The following SLC4A8 variants were observed in gnomAD, a reference collection of about 807,000 sequenced individuals.
SLC4A8 encodes the protein solute carrier family 4 member 8, also known as electroneutral sodium bicarbonate exchanger 1.
SLC4A8 carries 40 observed loss-of-function variants against 125.0 expected under a neutral mutation model. The ratio of observed to expected loss-of-function variants is 0.32; its 90% CI spans 0.25 to 0.42. The LOEUF (loss-of-function observed/expected upper bound fraction) is 0.42. SLC4A8 is among the 10% of genes least tolerant of loss of function. SLC4A8 has a pLI of 1.00. For synonymous variants in SLC4A8, 456 were observed against 476.0 expected, an observed-to-expected ratio of 0.96 and a Z score of 0.55; for missense variants, 863 against 1,355.1, an observed-to-expected ratio of 0.64 and a Z score of 5.70.
chr12:51,427,074 G>A (rs959169151), intron 1 of SLC4A8, among the ~76,000 whole-genome samples: 1 of 151,704 alleles, frequency 6.6e-6, no homozygotes, highest in East Asian at 1.9e-4. Flanking sequence ...GAGTAGCTGC[G>A]ACTACAGGCG....
At chr12:51,410,482 G>A (rs2137966084) in intron 1 of SLC4A8, among the ~76,000 whole-genome samples, 1 of 151,078 alleles carries the variant, frequency 6.6e-6, no homozygotes, top group African/African-American at 2.4e-5. Flanking sequence ...TTGAGATGGA[G>A]TTTTCACTCT....
intron 1 of SLC4A8, among the ~76,000 whole-genome samples, chr12:51,430,378 G>T (rs1394624005): frequency 6.6e-6 from 1 of 152,018 alleles, no homozygotes; most frequent in Non-Finnish European, 1.5e-5. Flanking sequence ...TTTTCTGAGG[G>T]TCATAGCCAG....
At chr12:51,437,446 A>G (rs1949455853) in intron 1 of SLC4A8, among the ~76,000 whole-genome samples, 1 of 152,218 alleles carries the variant, frequency 6.6e-6, no homozygotes, top group South Asian at 2.1e-4. Context: ...CCATCCTCAC[A>G]GTAATGAGTG....
intron 11 of SLC4A8, among the ~76,000 whole-genome samples, chr12:51,466,996 C>G (rs753547358): frequency 2.0e-5 from 3 of 151,524 alleles, no homozygotes; most frequent in Non-Finnish European, 4.4e-5. Flanking sequence ...TAGGGGGTCA[C>G]TATTATGCAG....
chr12:51,434,194 A>G (rs1297182763), intron 1 of SLC4A8, among the ~76,000 whole-genome samples: 4 of 152,056 alleles, frequency 2.6e-5, no homozygotes, highest in African/African-American at 9.7e-5. Flanking sequence ...TGTTTCATCT[A>G]TGTTCATCTA....
At chr12:51,417,277 G>A (rs1296641941) in intron 1 of SLC4A8, among the ~76,000 whole-genome samples, 2 of 152,112 alleles carry the variant, frequency 1.3e-5, no homozygotes, top group Non-Finnish European at 2.9e-5. Context: ...CCTTGCTCAA[G>A]TGACCCTCCT....
At chr12:51,460,817 C>A (rs993773170) in intron 8 of SLC4A8, among the ~76,000 whole-genome samples, 4 of 152,240 alleles carry the variant, frequency 2.6e-5, no homozygotes, top group Non-Finnish European at 4.4e-5. Flanking sequence ...AAGGCTTGAT[C>A]ATTTCAACTT....
At chr12:51,457,260 T>TC in intron 5 of SLC4A8, 91 bp from the exon 6 acceptor site, 2 of 1,048,684 alleles carry the variant, frequency 1.9e-6, no homozygotes, top group Non-Finnish European at 2.8e-6. Flanking sequence ...TTCCCCCTAC[T>TC]CCATGCCCTT....
At chr12:51,400,867 T>C (rs1948378196) in intron 1 of SLC4A8, among the ~76,000 whole-genome samples, 1 of 143,244 alleles carries the variant, frequency 7.0e-6, no homozygotes, top group Non-Finnish European at 1.5e-5. Flanking sequence ...TATAAACATA[T>C]ATATGTATAT....
At chr12:51,442,502 C>T (rs570896797) in intron 2 of SLC4A8, among the ~76,000 whole-genome samples, 1 of 152,344 alleles carries the variant, frequency 6.6e-6, no homozygotes, top group Non-Finnish European at 1.5e-5. Flanking sequence ...CGGAGATCAG[C>T]TGAGTAACTG....
chr12:51,450,457 T>A (rs541809463), intron 2 of SLC4A8, among the ~76,000 whole-genome samples: 1 of 152,348 alleles, frequency 6.6e-6, no homozygotes, highest in South Asian at 2.1e-4. Flanking sequence ...GTGGGCTGAT[T>A]TGAGCCTTAC....
At chr12:51,441,222 A>G (rs1229180488) in intron 2 of SLC4A8, 1 of 982,104 alleles carries the variant, frequency 1.0e-6, no homozygotes, top group Admixed American at 6.1e-5. Flanking sequence ...TCCAATATTT[A>G]CTGTTTCTAT....
In SLC4A8 at chr12:51,400,787, C is replaced by T. The variant is rs977818249; in HGVS notation, c.-112+9299C>T. 6.3e-3 allele frequency among the ~76,000 whole-genome samples: 132 copies of T among 20,820 alleles called. 17 individuals are homozygous for T. Among genetic ancestry groups the T allele is most frequent in the African/African-American group, 7.8e-3 (23 of 2,964 alleles). The allele number at this position is 20,820 out of a possible 152,430, so 13.7% of individuals were successfully genotyped here. Reference sequence around the variant, plus strand: ...ATATATATATATATATACATACATACACACACACACACACATATATAAACA... The same window carrying T: ...ATATATATATATATATACATACATATACACACACACACACATATATAAACA... On this transcript the variant is annotated intron_variant, in intron 1 of 24. Coordinates refer to the SLC4A8 transcript ENST00000358657.
chr12:51,508,531 A>G lies in SLC4A8; in HGVS notation c.*1093A>G, dbSNP rs936482973. Reference sequence around the variant, plus strand: ...GAGTAAACGATCATCAGTTCAATGGACCAAAATCACCTTCAGCCATGTGGT... The same window carrying G: ...GAGTAAACGATCATCAGTTCAATGGGCCAAAATCACCTTCAGCCATGTGGT... On this transcript the variant is annotated 3_prime_UTR_variant, in exon 25 of 25. Transcript: ENST00000453097. 2 of 152,584 alleles carry G rather than the reference A, an allele frequency of 1.3e-5. No individual in the cohort carries two copies. Among genetic ancestry groups the G allele is most frequent in the Non-Finnish European group, 2.9e-5 (2 of 68,040 alleles). The allele number at this position is 152,584 out of a possible 1,614,324, so 9.5% of individuals were successfully genotyped here.
chr12:51,392,571 CAA>C (rs35992841), intron 1 of SLC4A8, among the ~76,000 whole-genome samples: 12 of 119,204 alleles, frequency 1.0e-4, no homozygotes, highest in Admixed American at 2.7e-4. Flanking sequence ...GATTCCGTAT[CAA>C]AAAAAAAAAA....
At chr12:51,463,410 GGTGTGTGT>G (rs71731491) in intron 10 of SLC4A8, among the ~76,000 whole-genome samples, 196 bp from the exon 11 acceptor site, 125 of 144,102 alleles carry the variant, frequency 8.7e-4, no homozygotes, top group Non-Finnish European at 8.8e-4. Context: ...GAAATTATGG[GGTGTGTGT>G]GTGTGTGTGT....
At position 51,489,866 on chromosome 12, in the gene SLC4A8, T is replaced by G; in HGVS notation, c.2615T>G (p.Phe872Cys). Residue 872 changes from phenylalanine to cysteine, a missense_variant, in exon 19 of 25, where the codon TTC (phenylalanine) becomes TGC (cysteine). Phe to Cys is a radical substitution (Grantham distance 205). Coordinates refer to ENST00000453097, the MANE Select transcript of SLC4A8 (RefSeq NM_001039960.3). Reference sequence around the variant, plus strand: ...TCTGCTCCTGGAGAACAGCCCAAGTTCCTGGGCATCCGAGAACAGAGAGTG... The same window carrying G: ...TCTGCTCCTGGAGAACAGCCCAAGTGCCTGGGCATCCGAGAACAGAGAGTG... ...ECSAPGEQPK[F>C]LGIREQRVTG... is the part of the protein sequence containing the mutation. The G allele has an allele frequency of 6.8e-6, 11 of 1,614,148 alleles. No homozygotes were observed. The highest frequency in any genetic ancestry group is 9.3e-6 in the Non-Finnish European group (11 of 1,179,986).
intron 16 of SLC4A8, among the ~76,000 whole-genome samples, chr12:51,483,810 A>G (rs1034879061): frequency 4.6e-5 from 7 of 152,026 alleles, no homozygotes; most frequent in Non-Finnish European, 8.8e-5. Flanking sequence ...ACATATGTAT[A>G]CATGTGCCAT....
At position 51,513,585 on chromosome 12, in the gene SLC4A8, G is replaced by A. The variant is rs1484615694; in HGVS notation, c.*6147G>A. ...TTCTCCTGCCTCAGCCTCCTGAGTA[G>A]CTGGGACTATAGGCGCGCACCACCA... On this transcript the variant is annotated 3_prime_UTR_variant, in exon 25 of 25. Coordinates refer to ENST00000453097, the MANE Select transcript of SLC4A8 (RefSeq NM_001039960.3). 1 of 152,328 alleles carries A rather than the reference G, an allele frequency of 6.6e-6. No individual in the cohort carries two copies. The highest frequency in any genetic ancestry group is 2.4e-5 in the African/African-American group (1 of 41,452). 9.4% of individuals were successfully genotyped at this position (152,328 alleles called of 1,614,324 possible). A position where few individuals can be genotyped will look rare whatever the true frequency, so the allele number is the denominator to read the frequency against.
Sources: gnomAD v4.1 joint callset for allele counts (sites outside exome capture counted in the v4.1 genomes callset) on GRCh38, gnomAD v4.1.1 for gene constraint, MANE v1.5 for transcripts, NCBI Gene and HGNC (gene_info 2026-07-23, HGNC 2026-07-21) for gene names.